The following RICTOR variants were observed in gnomAD, a reference collection of about 807,000 sequenced individuals.
The protein encoded by RICTOR is RPTOR independent companion of MTOR complex 2, also known as rapamycin-insensitive companion of mTOR.
A neutral mutation model predicts 214.9 loss-of-function variants in RICTOR; 49 were observed. The observed-to-expected ratio is 0.23, with a 90% CI of 0.18 to 0.29. RICTOR has a LOEUF of 0.29. RICTOR is among the 10% of genes least tolerant of loss of function. RICTOR has a pLI of 1.00. For missense variants in RICTOR, 1,625 were observed against 2,047.0 expected (o/e 0.79, Z 3.98); for synonymous variants, 717 against 711.3 (o/e 1.01, Z -0.13).
At chr5:39,026,974 C>T (rs1419483721) in intron 2 of RICTOR, among the ~76,000 whole-genome samples, 2 of 152,054 alleles carry the variant, frequency 1.3e-5, no homozygotes, top group Non-Finnish European at 2.9e-5. Context: ...CACCATTGCA[C>T]TCCAGCCTGG....
intron 5 of RICTOR, among the ~76,000 whole-genome samples, chr5:38,997,423 T>C (rs1260516288): frequency 6.6e-6 from 1 of 152,322 alleles, no homozygotes; most frequent in East Asian, 1.9e-4. Context: ...TATTAAATTA[T>C]CCAGTTTTGA....
intron 7 of RICTOR, among the ~76,000 whole-genome samples, chr5:38,982,627 A>G (rs1751811780): frequency 6.6e-6 from 1 of 152,110 alleles, no homozygotes; most frequent in Admixed American, 6.5e-5. Flanking sequence ...TGTTGAATCA[A>G]TTATCCTGGG....
At chr5:38,999,514 T>C (rs2150099021) in intron 5 of RICTOR, among the ~76,000 whole-genome samples, 1 of 152,172 alleles carries the variant, frequency 6.6e-6, no homozygotes, top group South Asian at 2.1e-4. Context: ...GAACTTAATA[T>C]ATCAAGGATA....
At chr5:39,009,488 G>A (rs1298916030) in intron 3 of RICTOR, among the ~76,000 whole-genome samples, 1 of 152,016 alleles carries the variant, frequency 6.6e-6, no homozygotes, top group Admixed American at 6.5e-5. Flanking sequence ...GAATCAGCTG[G>A]AAACTGGAAA....
chr5:38,955,770 A>C (rs1027204862), intron 25 of RICTOR, 66 bp from the exon 26 acceptor site: 1 of 872,326 alleles, frequency 1.1e-6, no homozygotes, highest in African/African-American at 1.6e-5. Context: ...AAAATATGTC[A>C]GATACTTAGC....
intron 2 of RICTOR, among the ~76,000 whole-genome samples, chr5:39,044,139 A>T (rs1179374562): frequency 6.6e-6 from 1 of 152,290 alleles, no homozygotes; most frequent in Admixed American, 6.5e-5. Context: ...ATTAAAACCA[A>T]AATATTTAAA....
chr5:38,964,978 T>TCA lies in RICTOR; in HGVS notation c.1300-88_1300-87dup, dbSNP rs1579934721. ...ATTACCTGCACATATAATGCTGTAT[T>TCA]CAAGACTATTACAAATTCTGAGGTT... On this transcript the variant is annotated intron_variant, in intron 15 of 37. Coordinates refer to ENST00000357387, the MANE Select transcript of RICTOR (RefSeq NM_152756.5). 7.4e-6 allele frequency: 5 copies of TCA among 680,034 alleles called. No individual in the cohort carries two copies. The East Asian group carries it at 1.5e-4, about 20-fold the overall frequency. The allele number at this position is 680,034 out of a possible 1,614,324, so 42.1% of individuals were successfully genotyped here.
intron 2 of RICTOR, among the ~76,000 whole-genome samples, chr5:39,038,839 A>G (rs947710698): frequency 6.6e-6 from 1 of 152,280 alleles, no homozygotes; most frequent in African/African-American, 2.4e-5. Flanking sequence ...ATGGAAGAAC[A>G]TTCCATGCTC....
At chr5:39,040,609 G>A (rs575560587) in intron 2 of RICTOR, among the ~76,000 whole-genome samples, 1 of 151,656 alleles carries the variant, frequency 6.6e-6, no homozygotes, top group African/African-American at 2.4e-5. Flanking sequence ...TCCTTCCAAG[G>A]TTCTTTTTCA....
At chr5:38,987,788 T>C (rs1235744039) in intron 7 of RICTOR, among the ~76,000 whole-genome samples, 1 of 152,190 alleles carries the variant, frequency 6.6e-6, no homozygotes, top group East Asian at 1.9e-4. Flanking sequence ...GTTCTTTTAA[T>C]TGTAATGTTA....
At chr5:38,978,116 C>T (rs983441842) in intron 9 of RICTOR, among the ~76,000 whole-genome samples, 3 of 151,870 alleles carry the variant, frequency 2.0e-5, no homozygotes, top group African/African-American at 7.3e-5. Context: ...GTGCCTTTCT[C>T]TCCAAAAACA....
intron 2 of RICTOR, among the ~76,000 whole-genome samples, chr5:39,034,778 G>A (rs918537101): frequency 2.4e-4 from 36 of 152,224 alleles, no homozygotes; most frequent in African/African-American, 5.3e-4. Context: ...AGGGGCGCCC[G>A]CCATTGCTGA....
intron 15 of RICTOR, 66 bp downstream of exon 15, chr5:38,966,575 A>G: frequency 8.7e-6 from 7 of 809,202 alleles, no homozygotes; most frequent in Non-Finnish European, 1.3e-5. Flanking sequence ...CACTATTAAA[A>G]TAACTTGTTT....
At chr5:38,948,982 G>A (rs1236484331) in intron 31 of RICTOR, among the ~76,000 whole-genome samples, 2 of 151,966 alleles carry the variant, frequency 1.3e-5, no homozygotes, top group Non-Finnish European at 2.9e-5. Flanking sequence ...AACATATATT[G>A]TTGACATATA....
intron 11 of RICTOR, chr5:38,969,652 G>A (rs1436431303): frequency 6.6e-6 from 1 of 150,646 alleles, no homozygotes; most frequent in Non-Finnish European, 1.5e-5. Context: ...GCCTATATAG[G>A]TGCTGTATTT....
At chr5:39,020,459 CA>C (rs541282146) in intron 3 of RICTOR, among the ~76,000 whole-genome samples, 262 of 152,184 alleles carry the variant, frequency 1.7e-3, no homozygotes, top group Middle Eastern at 3.4e-3. Context: ...GTTCCTCTAC[CA>C]ACAAAAAAAA....
At chr5:39,067,193 C>G (rs930189759) in intron 2 of RICTOR, among the ~76,000 whole-genome samples, 10 of 152,120 alleles carry the variant, frequency 6.6e-5, no homozygotes, top group African/African-American at 2.4e-4. Flanking sequence ...AAGCATGGTG[C>G]CAGCATCTGC....
chr5:39,010,921 G>A (rs1302920303), intron 3 of RICTOR, among the ~76,000 whole-genome samples: 5 of 152,182 alleles, frequency 3.3e-5, no homozygotes, highest in Admixed American at 3.3e-4. Context: ...GCAGCCTGAT[G>A]ATGCAACAGA....
intron 10 of RICTOR, among the ~76,000 whole-genome samples, chr5:38,972,341 A>T (rs769271631): frequency 2.6e-5 from 4 of 152,232 alleles, no homozygotes; most frequent in Non-Finnish European, 5.9e-5. Flanking sequence ...GGCATTTATT[A>T]AAGTTCAATT....
Sources: allele counts gnomAD v4.1 joint callset (sites outside exome capture counted in the v4.1 genomes callset), GRCh38; gene constraint gnomAD v4.1.1; transcripts MANE v1.5; gene names NCBI Gene and HGNC (gene_info 2026-07-23, HGNC 2026-07-21).